The following APBA2 variants were observed in gnomAD, a reference collection of about 807,000 sequenced individuals.
APBA2 encodes amyloid beta precursor protein binding family A member 2.
APBA2 carries 30 observed loss-of-function variants against 75.0 expected under a neutral mutation model. The observed-to-expected ratio is 0.40, with a 90% confidence interval of 0.30 to 0.54. APBA2 has a LOEUF of 0.54. Ranked by LOEUF, APBA2 falls within the 20% of genes least tolerant of loss-of-function variation. The pLI, the probability that APBA2 is intolerant of heterozygous loss-of-function variation, is 0.49. For missense variants in APBA2, 801 were observed against 1,016.1 expected (o/e 0.79, Z 2.88); for synonymous variants, 444 against 409.6 (o/e 1.08, Z -1.01).
intron 3 of APBA2, among the ~76,000 whole-genome samples, chr15:29,045,318 A>G (rs539901022): frequency 6.7e-6 from 1 of 148,828 alleles, no homozygotes; most frequent in Non-Finnish European, 1.5e-5. Flanking sequence ...TCTCAAACTC[A>G]AGACCATGTG....
intron 4 of APBA2, among the ~76,000 whole-genome samples, chr15:29,056,619 TCC>T (rs1351728860): frequency 8.9e-5 from 8 of 89,530 alleles, no homozygotes; most frequent in Admixed American, 1.5e-4. Context: ...CCTCCTTCTC[TCC>T]CTCCCTCCCT....
chr15:28,971,538 A>G (rs967781248), intron 2 of APBA2, among the ~76,000 whole-genome samples: 4 of 152,132 alleles, frequency 2.6e-5, no homozygotes, highest in African/African-American at 9.7e-5. Context: ...AATAAAAGAG[A>G]GGGTCTTGGA....
chr15:29,104,105 C>G (rs1407966104), intron 10 of APBA2, among the ~76,000 whole-genome samples: 1 of 152,260 alleles, frequency 6.6e-6, no homozygotes, highest in Non-Finnish European at 1.5e-5. Flanking sequence ...TTGTCTTTCC[C>G]AATGCATACA....
chr15:28,887,305 T>C (rs894150698), intron 1 of APBA2, among the ~76,000 whole-genome samples: 4 of 152,132 alleles, frequency 2.6e-5, no homozygotes, highest in African/African-American at 9.7e-5. Context: ...CTGTGCCTCT[T>C]TCTGTTTTTG....
chr15:29,088,319 C>T (rs143437672), intron 6 of APBA2, among the ~76,000 whole-genome samples: 4 of 152,280 alleles, frequency 2.6e-5, no homozygotes, highest in Non-Finnish European at 4.4e-5. Flanking sequence ...TCACTTGGCA[C>T]CTGCAGATGG....
chr15:28,962,402 T>C (rs2152740008), intron 2 of APBA2, among the ~76,000 whole-genome samples: 1 of 151,776 alleles, frequency 6.6e-6, no homozygotes, highest in Admixed American at 6.6e-5. Flanking sequence ...AAACCCCATC[T>C]CTACTAAAAA....
At chr15:28,968,878 T>G (rs2036882737) in intron 2 of APBA2, among the ~76,000 whole-genome samples, 2 of 152,130 alleles carry the variant, frequency 1.3e-5, no homozygotes, top group Admixed American at 1.3e-4. Context: ...AACACGGCTG[T>G]CTCTTGCCCT....
chr15:28,937,847 C>T (rs1419315853), intron 2 of APBA2, among the ~76,000 whole-genome samples: 3 of 152,014 alleles, frequency 2.0e-5, no homozygotes, highest in East Asian at 1.9e-4. Flanking sequence ...TTGGTAGAGA[C>T]GGGGTTTGAC....
chr15:29,017,397 C>CTTTTTTTTTTTTTTTTTTTT (rs56993296), intron 3 of APBA2, among the ~76,000 whole-genome samples: 27 of 102,058 alleles, frequency 2.6e-4, no homozygotes, highest in Non-Finnish European at 3.8e-4. Context: ...TTCTTTCTTT[C>CTTTTTTTTTTTTTTTTTTTT]TTTTTTTTTT....
intron 3 of APBA2, among the ~76,000 whole-genome samples, chr15:29,025,261 G>C (rs975596655): frequency 1.6e-5 from 2 of 127,554 alleles, no homozygotes; most frequent in Non-Finnish European, 3.0e-5. Context: ...ACAAGAATTG[G>C]GATTTTTTTT....
intron 2 of APBA2, among the ~76,000 whole-genome samples, chr15:28,987,033 G>A (rs1346941467): frequency 1.3e-5 from 2 of 152,078 alleles, no homozygotes; most frequent in Non-Finnish European, 2.9e-5. Flanking sequence ...TTTTACAAAG[G>A]CACAAATCCC....
At chr15:29,086,249 A>C (rs1426671909) in intron 6 of APBA2, among the ~76,000 whole-genome samples, 1 of 152,194 alleles carries the variant, frequency 6.6e-6, no homozygotes, top group Non-Finnish European at 1.5e-5. Flanking sequence ...CTCTTCAGGC[A>C]TTCAGATGGC....
At chr15:29,016,585 G>T (rs966843155) in intron 3 of APBA2, among the ~76,000 whole-genome samples, 4 of 152,172 alleles carry the variant, frequency 2.6e-5, no homozygotes, top group Non-Finnish European at 4.4e-5. Flanking sequence ...AGGAGGGAAG[G>T]TTAGAAATCA....
chr15:29,091,550 G>A (rs942971664), intron 6 of APBA2, among the ~76,000 whole-genome samples: 1 of 152,198 alleles, frequency 6.6e-6, no homozygotes, highest in Non-Finnish European at 1.5e-5. Context: ...GGGGGCATTT[G>A]GGGTCAAGAA....
chr15:29,055,570 G>A (rs537243775), intron 4 of APBA2, among the ~76,000 whole-genome samples: 9 of 152,262 alleles, frequency 5.9e-5, no homozygotes, highest in African/African-American at 2.2e-4. Context: ...GGACTTGTGT[G>A]AAGGAACTTC....
In APBA2 at chr15:29,046,777, C is replaced by G. The variant is rs73367690; in HGVS notation, c.-40-7068C>G. The stretch of plus-strand genomic sequence containing the variant: ...TTTCACAAGGACCTCTCCCTGCTTT[C>G]CTCAGTCCCTCCAAGATGCACCCAT... On this transcript the variant is annotated intron_variant, in intron 3 of 14. Transcript: ENST00000683413. This position sits in a 1 kb window ranked among gnomAD's most constrained non-coding sequence, Gnocchi z 5.0. Among the ~76,000 whole-genome samples the G allele has an allele frequency of 0.089, 13,526 of 152,228 alleles. 971 individuals carry two copies. Among genetic ancestry groups the G allele is most frequent in the East Asian group, 0.28 (1,422 of 5,152 alleles).
intron 9 of APBA2, among the ~76,000 whole-genome samples, chr15:29,100,789 A>G (rs2044080922): frequency 6.6e-6 from 1 of 152,212 alleles, no homozygotes; most frequent in African/African-American, 2.4e-5. Flanking sequence ...CTCCAGAGCC[A>G]CTGGTGGCCT....
intron 2 of APBA2, among the ~76,000 whole-genome samples, chr15:28,978,082 G>A (rs1455831317): frequency 6.6e-6 from 1 of 152,154 alleles, no homozygotes; most frequent in African/African-American, 2.4e-5. Context: ...GCAAAAGACT[G>A]GTGTACCGTG....
rs138662425 is a variant in APBA2, at chr15:29,047,596, C to T, written c.-40-6249C>T. On this transcript the variant is annotated intron_variant, in intron 3 of 14. Transcript: ENST00000683413. ...CCTGATCTCCCCCTGGTTCAGCCATCGTAAAGTGAAAGCATTTTCATTGCA... is the reference window on the plus strand; with the variant it reads ...CCTGATCTCCCCCTGGTTCAGCCATTGTAAAGTGAAAGCATTTTCATTGCA... 4.6e-5 allele frequency among the ~76,000 whole-genome samples: 7 copies of T among 152,164 alleles called. No homozygotes were observed. In the East Asian group the frequency reaches 9.6e-4, roughly 21 times the overall value.
Sources: allele counts gnomAD v4.1 joint callset (sites outside exome capture counted in the v4.1 genomes callset), GRCh38; gene constraint gnomAD v4.1.1; non-coding constraint Gnocchi (gnomAD v3.1); transcripts MANE v1.5; gene names NCBI Gene and HGNC (gene_info 2026-07-23, HGNC 2026-07-21).